The following CACNA1B variants were observed in gnomAD, a reference collection of about 807,000 sequenced individuals.
The protein encoded by CACNA1B is voltage-dependent N-type calcium channel subunit alpha-1B.
CACNA1B carries 70 observed loss-of-function variants against 247.2 expected under a neutral mutation model. The observed-to-expected ratio is 0.28, with a 90% confidence interval of 0.23 to 0.35. The LOEUF is 0.35. CACNA1B is among the 10% of genes least tolerant of loss of function. CACNA1B has a pLI of 1.00. For missense variants in CACNA1B, 2,367 were observed against 3,197.4 expected (o/e 0.74, Z 6.26); for synonymous variants, 1,231 against 1,294.4 (o/e 0.95, Z 1.05).
At chr9:138,034,561 G>A (rs1959021066) in intron 20 of CACNA1B, among the ~76,000 whole-genome samples, 1 of 151,788 alleles carries the variant, frequency 6.6e-6, no homozygotes, top group Admixed American at 6.6e-5. Context: ...TCACTAGGGA[G>A]AGCTGGGTTT....
intron 31 of CACNA1B, among the ~76,000 whole-genome samples, chr9:138,061,663 T>C (rs1959729513): frequency 6.6e-6 from 1 of 152,154 alleles, no homozygotes; most frequent in Non-Finnish European, 1.5e-5. Flanking sequence ...TGGAATCCTG[T>C]GTTGGTAAAT....
chr9:137,980,852 T>C (rs1958286068), intron 12 of CACNA1B, among the ~76,000 whole-genome samples: 1 of 152,248 alleles, frequency 6.6e-6, no homozygotes. Flanking sequence ...TTTTAATAGC[T>C]GTGCAGTCTT....
Position 138,122,080 on chromosome 9 carries a change from C to A in CACNA1B, c.*81C>A, listed in dbSNP as rs1241958560. 7.6e-7 allele frequency: 1 copy of A among 1,307,762 alleles called. No individual in the cohort carries two copies. Among genetic ancestry groups the A allele is most frequent in the Non-Finnish European group, 1.0e-6 (1 of 969,452 alleles). The allele number at this position is 1,307,762 out of a possible 1,614,324, so 81.0% of individuals were successfully genotyped here. ...AGTTTTATCATCCACACGGGGCAGCCGGCCCTCGGGGGAGGCCTTGCCCAC... is the reference window on the plus strand; with the variant it reads ...AGTTTTATCATCCACACGGGGCAGCAGGCCCTCGGGGGAGGCCTTGCCCAC... On this transcript the variant is annotated 3_prime_UTR_variant, in exon 47 of 47. Transcript: ENST00000371372.
chr9:138,022,805 T>TGG lies in CACNA1B; in HGVS notation c.2268-195_2268-194dup, dbSNP rs71387879. Among the ~76,000 whole-genome samples, 7,839 of 130,918 alleles carry TGG rather than the reference T, an allele frequency of 0.06. 622 individuals are homozygous for TGG. The highest frequency in any genetic ancestry group is 0.091 in the Non-Finnish European group (5,159 of 56,638). The allele number at this position is 130,918 out of a possible 152,430, so 85.9% of individuals were successfully genotyped here. A position where few individuals can be genotyped will look rare whatever the true frequency, so the allele number is the denominator to read the frequency against. On this transcript the variant is annotated intron_variant, in intron 18 of 46. Transcript: ENST00000371372. ...ACCTTGCGGGTCCTGTGGGACACCG[T>TGG]GGGGGGGGGGGGCGGCGGGGCTGAA...
chr9:137,970,943 C>T (rs1958139130), intron 10 of CACNA1B, among the ~76,000 whole-genome samples: 1 of 152,180 alleles, frequency 6.6e-6, no homozygotes. Flanking sequence ...CGTGCTGACC[C>T]CTGAGTCCGG....
intron 35 of CACNA1B, among the ~76,000 whole-genome samples, chr9:138,076,829 C>T (rs117230720): frequency 0.023 from 3,540 of 152,298 alleles, 57 homozygotes; most frequent in Non-Finnish European, 0.03. Context: ...TGCAGATGCG[C>T]GCTGGGGCGA....
In CACNA1B at chr9:137,913,111, G is replaced by A; in HGVS notation, c.531-69G>A. On this transcript the variant is annotated intron_variant, in intron 3 of 46. Coordinates refer to ENST00000371372, the MANE Select transcript of CACNA1B (RefSeq NM_000718.4). This position sits in a 1 kb window ranked among gnomAD's most constrained non-coding sequence, Gnocchi z 5.2. The stretch of plus-strand genomic sequence containing the variant: ...TTGGGAGACATGACCCTGGTGGTGG[G>A]AGGAGTGTGTCCTCTTCCAGGCTCA... The A allele has an allele frequency of 6.7e-6, 8 of 1,202,212 alleles. No individual in the cohort carries two copies. Among genetic ancestry groups the A allele is most frequent in the Admixed American group, 1.8e-5 (1 of 56,058 alleles). The allele number at this position is 1,202,212 out of a possible 1,614,324, so 74.5% of individuals were successfully genotyped here. A position where few individuals can be genotyped will look rare whatever the true frequency, so the allele number is the denominator to read the frequency against.
chr9:137,971,617 G>T lies in CACNA1B; in HGVS notation c.1543+25G>T. ...TGTACGTATCCCCGTCCCTCCCTCAGGTGCTTCCTGAGCATCTCTGCTCTC... is the reference window on the plus strand; with the variant it reads ...TGTACGTATCCCCGTCCCTCCCTCATGTGCTTCCTGAGCATCTCTGCTCTC... On this transcript the variant is annotated intron_variant, in intron 11 of 46. Coordinates refer to ENST00000371372, the MANE Select transcript of CACNA1B (RefSeq NM_000718.4). This position sits in a 1 kb window ranked among gnomAD's most constrained non-coding sequence, Gnocchi z 4.4. The T allele has an allele frequency of 6.3e-7, 1 of 1,590,822 alleles. No homozygotes were observed. Among genetic ancestry groups the T allele is most frequent in the East Asian group, 2.3e-5 (1 of 44,354 alleles).
chr9:138,094,315 C>T (rs187609106), intron 36 of CACNA1B, among the ~76,000 whole-genome samples: 11 of 151,502 alleles, frequency 7.3e-5, no homozygotes, highest in South Asian at 2.1e-4. Context: ...TTTGGGAATA[C>T]GAAGAAAATT....
Position 138,103,121 on chromosome 9 carries a change from T to G in CACNA1B, c.5319+314T>G, listed in dbSNP as rs540491784. 1.4e-3 allele frequency among the ~76,000 whole-genome samples: 219 copies of G among 152,262 alleles called. 7 individuals are homozygous for G. In the South Asian group the frequency reaches 0.045, roughly 31 times the overall value. ...TCCTCCCTGCCTTTTCTCCCTCCCT[T>G]CCTTTCCTAGGAATGAGGGGACAGA... On this transcript the variant is annotated intron_variant, in intron 38 of 46. Coordinates refer to ENST00000371372, the MANE Select transcript of CACNA1B (RefSeq NM_000718.4).
Position 137,990,406 on chromosome 9 carries a change from G to A in CACNA1B, c.1974+3552G>A, listed in dbSNP as rs1405322251. On this transcript the variant is annotated intron_variant, in intron 15 of 46. Coordinates refer to ENST00000371372, the MANE Select transcript of CACNA1B (RefSeq NM_000718.4). The surrounding 1 kb of genome is among the most constrained non-coding windows in gnomAD (Gnocchi z 4.5). ...GAAGACAAAGGTTATAATCTCCTGG[G>A]GGCTCTGTGGTCCTGCCCACCCCCT... Among the ~76,000 whole-genome samples, 2 of 152,106 alleles carry A rather than the reference G, an allele frequency of 1.3e-5. No homozygotes were observed. Among genetic ancestry groups the A allele is most frequent in the Non-Finnish European group, 2.9e-5 (2 of 67,990 alleles).
At chr9:138,045,966 G>A (rs542496781) in intron 21 of CACNA1B, among the ~76,000 whole-genome samples, 1 of 152,124 alleles carries the variant, frequency 6.6e-6, no homozygotes, top group Non-Finnish European at 1.5e-5. Flanking sequence ...GGCAGGGGAG[G>A]CATCTCCAGA....
Position 137,878,336 on chromosome 9 carries a change from AG to A in CACNA1B, c.284+125del, listed in dbSNP as rs917019649. 18 of 940,664 alleles carry A rather than the reference AG, an allele frequency of 1.9e-5. No homozygotes were observed. In the African/African-American group the frequency reaches 2.6e-4, roughly 14 times the overall value. The allele number at this position is 940,664 out of a possible 1,614,324, so 58.3% of individuals were successfully genotyped here. On this transcript the variant is annotated intron_variant, in intron 1 of 46. Coordinates refer to ENST00000371372, the MANE Select transcript of CACNA1B (RefSeq NM_000718.4). ...CTGGGGAGGCGTCGGGAGACGGGCGAGGGGGGTACGGAGCGCCCCAGGGCCC... is the reference window on the plus strand; with the variant it reads ...CTGGGGAGGCGTCGGGAGACGGGCGAGGGGGTACGGAGCGCCCCAGGGCCC...
chr9:137,966,938 C>T (rs1445307274), intron 10 of CACNA1B, among the ~76,000 whole-genome samples: 1 of 150,782 alleles, frequency 6.6e-6, no homozygotes, highest in African/African-American at 2.4e-5. Flanking sequence ...TATAGGTGTG[C>T]ACCACCATGC....
intron 8 of CACNA1B, 67 bp from the exon 9 acceptor site, chr9:137,956,704 G>T: frequency 1.2e-5 from 14 of 1,206,336 alleles, no homozygotes; most frequent in Middle Eastern, 2.0e-4. Context: ...AGACAGAGAT[G>T]TGCCTCTGTC....
chr9:137,960,342 G>C (rs1958002171), intron 10 of CACNA1B, among the ~76,000 whole-genome samples: 1 of 145,724 alleles, frequency 6.9e-6, no homozygotes, highest in Non-Finnish European at 1.5e-5. Context: ...AGGGGAGCGG[G>C]AAGGGGAGGT....
At chr9:138,053,802 C>T (rs200550849) in intron 25 of CACNA1B, 44 bp from the exon 26 acceptor site, 45 of 1,546,050 alleles carry the variant, frequency 2.9e-5, no homozygotes, top group Admixed American at 6.7e-5. Flanking sequence ...ACTCTCCCAC[C>T]ATGATTCCAC....
At chr9:138,055,040 A>G (rs750266995) in intron 26 of CACNA1B, among the ~76,000 whole-genome samples, 1 of 151,892 alleles carries the variant, frequency 6.6e-6, no homozygotes, top group Non-Finnish European at 1.5e-5. Flanking sequence ...TGTCATATGT[A>G]TGGATCGCAG....
intron 31 of CACNA1B, among the ~76,000 whole-genome samples, chr9:138,068,935 C>T (rs1025355182): frequency 1.3e-5 from 2 of 152,222 alleles, no homozygotes; most frequent in Non-Finnish European, 2.9e-5. Flanking sequence ...CCCTCAGCTG[C>T]GAGACAGTCG....
Sources: allele counts gnomAD v4.1 joint callset (sites outside exome capture counted in the v4.1 genomes callset), GRCh38; gene constraint gnomAD v4.1.1; non-coding constraint Gnocchi (gnomAD v3.1); transcripts MANE v1.5; gene names NCBI Gene and HGNC (gene_info 2026-07-23, HGNC 2026-07-21).